Variants in PLPBP observed in about 807,000 individuals in gnomAD.
PLPBP encodes pyridoxal phosphate homeostasis protein.
In PLPBP, 21 loss-of-function variants were observed where a neutral mutation model predicts 31.2. The ratio of observed to expected loss-of-function variants is 0.67; its 90% CI spans 0.48 to 0.97. The LOEUF (loss-of-function observed/expected upper bound fraction) is 0.97. PLPBP is among the 50% of genes least tolerant of loss of function. The probability of loss-of-function intolerance (pLI) is 0.00; values close to 1 mark genes in which losing one functional copy is unlikely to be tolerated. For missense variants in PLPBP, 308 were observed against 354.4 expected (o/e 0.87, Z 1.05); for synonymous variants, 124 against 135.6 (o/e 0.91, Z 0.59).
chr8:37,765,623 G>A lies in PLPBP; in HGVS notation c.197G>A (p.Gly66Asp). The A allele has an allele frequency of 6.2e-7, 1 of 1,614,232 alleles. No homozygotes were observed. The highest frequency in any genetic ancestry group is 1.7e-5 in the Admixed American group (1 of 60,026). ...TATGGACATGGGCAGCGCACTTTTG[G>A]CGAGAACTACGTAAGAGCCCTTTCC... ...EAYGHGQRTF[G>D]ENYVQELLEK... Residue 66 changes from glycine to aspartate, a missense_variant, in exon 2 of 8, where the codon GGC becomes GAC. This residue lies in a region of PLPBP where 120 missense variants were observed against 95.1 expected (regional missense o/e 1.26). Transcript: ENST00000328195.
At chr8:37,763,079 C>A (rs2129762433) in intron 1 of PLPBP, among the ~76,000 whole-genome samples, 1 of 152,290 alleles carries the variant, frequency 6.6e-6, no homozygotes, top group South Asian at 2.1e-4. Context: ...GGGGCCAGGC[C>A]TGTGCCCACG....
intron 5 of PLPBP, 47 bp downstream of exon 5, chr8:37,772,936 T>C (rs1478387374): frequency 1.2e-6 from 2 of 1,607,940 alleles, no homozygotes; most frequent in African/African-American, 2.7e-5. Flanking sequence ...TTTAGGATGG[T>C]TGAAGCTTAG....
At chr8:37,775,568 A>T in intron 6 of PLPBP, 87 bp downstream of exon 6, 1 of 1,566,460 alleles carries the variant, frequency 6.4e-7, no homozygotes, top group Non-Finnish European at 8.7e-7. Flanking sequence ...TGGGGATTGC[A>T]GAGTCATCCC....
rs1016249070 is a variant in PLPBP, at chr8:37,779,436, T to G, written c.*1332T>G. 1.3e-5 allele frequency: 2 copies of G among 152,192 alleles called. No homozygotes were observed. Among genetic ancestry groups the G allele is most frequent in the African/African-American group, 4.8e-5 (2 of 41,438 alleles). The allele number at this position is 152,192 out of a possible 1,614,324, so 9.4% of individuals were successfully genotyped here. Reference sequence around the variant, plus strand: ...TTTACAAGCCAGAATTGTGCAACTCTTCTGGATCATTAATAAAGTAGCAAG... The same window carrying G: ...TTTACAAGCCAGAATTGTGCAACTCGTCTGGATCATTAATAAAGTAGCAAG... On this transcript the variant is annotated 3_prime_UTR_variant, in exon 8 of 8. Coordinates refer to ENST00000328195, the MANE Select transcript of PLPBP (RefSeq NM_007198.4).
chr8:37,767,799 C>CTTTTTTTTT (rs1175107737), intron 4 of PLPBP, among the ~76,000 whole-genome samples: 27 of 98,928 alleles, frequency 2.7e-4, no homozygotes, highest in South Asian at 3.3e-4. Flanking sequence ...CTTTTATTTA[C>CTTTTTTTTT]TTTTTTTTTT....
chr8:37,767,083 A>AAAAT (rs994935964), intron 4 of PLPBP, among the ~76,000 whole-genome samples: 1 of 151,350 alleles, frequency 6.6e-6, no homozygotes, highest in Non-Finnish European at 1.5e-5. Context: ...GAATCATAGT[A>AAAAT]AAATAAAATT....
intron 4 of PLPBP, 120 bp from the exon 5 acceptor site, chr8:37,772,635 T>A: frequency 8.2e-7 from 1 of 1,224,892 alleles, no homozygotes; most frequent in Non-Finnish European, 1.2e-6. Flanking sequence ...GGAACTGAGA[T>A]TTAACTGTGT....
At chr8:37,776,478 C>CAAAAAAA (rs915875297) in intron 7 of PLPBP, among the ~76,000 whole-genome samples, 14 of 10,622 alleles carry the variant, frequency 1.3e-3, no homozygotes, top group African/African-American at 1.9e-3. Flanking sequence ...GACTCCATCT[C>CAAAAAAA]AAAAAAAAAA....
At chr8:37,776,493 A>AAAAAAAAAAAC (rs1585941489) in intron 7 of PLPBP, among the ~76,000 whole-genome samples, 1 of 150,542 alleles carries the variant, frequency 6.6e-6, no homozygotes, top group Non-Finnish European at 1.5e-5. Context: ...AAAAAAAAAA[A>AAAAAAAAAAAC]AAAAAAAAAA....
intron 4 of PLPBP, among the ~76,000 whole-genome samples, chr8:37,770,163 A>T (rs1803732706): frequency 1.3e-5 from 2 of 152,224 alleles, no homozygotes; most frequent in Admixed American, 6.5e-5. Flanking sequence ...ATGGAACCAC[A>T]AAAGACCCAT....
At chr8:37,765,143 ACTCCAGC>A (rs1314125463) in intron 1 of PLPBP, among the ~76,000 whole-genome samples, 1 of 152,114 alleles carries the variant, frequency 6.6e-6, no homozygotes, top group African/African-American at 2.4e-5. Context: ...GCACCATTGC[ACTCCAGC>A]CTGGGCAACA....
At chr8:37,771,138 A>C (rs1292167828) in intron 4 of PLPBP, among the ~76,000 whole-genome samples, 1 of 151,702 alleles carries the variant, frequency 6.6e-6, no homozygotes, top group Non-Finnish European at 1.5e-5. Context: ...ATATATGTAT[A>C]TTTCTTTCTT....
upstream of PLPBP, chr8:37,762,582 C>T (rs1043045513): frequency 2.0e-6 from 3 of 1,515,116 alleles, no homozygotes; most frequent in South Asian, 2.5e-5. Flanking sequence ...GTTCACACGG[C>T]GCAAGCTGGG....
At position 37,773,423 on chromosome 8, in the gene PLPBP, G is replaced by A. The variant is rs141654252; in HGVS notation, c.454+534G>A. On this transcript the variant is annotated intron_variant, in intron 5 of 7. Coordinates refer to ENST00000328195, the MANE Select transcript of PLPBP (RefSeq NM_007198.4). ...CCTCTCAAGTGATCCACCCATCTCG[G>A]CCTCCCAAAGTGCTGGGATTACAGG... Among the ~76,000 whole-genome samples, 5 of 151,068 alleles carry A rather than the reference G, an allele frequency of 3.3e-5. No homozygotes were observed. The East Asian group carries it at 9.8e-4, about 30-fold the overall frequency.
At chr8:37,775,088 C>A in intron 5 of PLPBP, 1 of 325,850 alleles carries the variant, frequency 3.1e-6, no homozygotes. Context: ...TAGCTGTTTT[C>A]AGCTGAAATC....
In PLPBP at chr8:37,772,831, A is replaced by C; in HGVS notation, c.396A>C (p.Arg132Ser). ...ACAAAGTGAACAGTTCCTGGCAGAG[A>C]AAAGGTTCTCCTGAAAGGTTAAAGG... ...LADKVNSSWQ[R>S]KGSPERLKVM... Residue 132 changes from arginine to serine, a missense_variant, in exon 5 of 8, where the codon AGA becomes AGC. This residue lies in a region of PLPBP where 188 missense variants were observed against 259.3 expected (regional missense o/e 0.73). Coordinates refer to ENST00000328195, the MANE Select transcript of PLPBP (RefSeq NM_007198.4). 3 of 1,614,172 alleles carry C rather than the reference A, an allele frequency of 1.9e-6. No homozygotes were observed. The highest frequency in any genetic ancestry group is 1.3e-5 in the African/African-American group (1 of 75,060).
In PLPBP at chr8:37,762,745, C is replaced by T. The variant is rs1021675702; in HGVS notation, c.86C>T (p.Ala29Val). Reference sequence around the variant, plus strand: ...AACGAGCGCGTGCAGCAGGCTGTGGCGCGGCGGCCGCGGGTGAGGAAGGAG... The same window carrying T: ...AACGAGCGCGTGCAGCAGGCTGTGGTGCGGCGGCCGCGGGTGAGGAAGGAG... ...AVNERVQQAV[A>V]RRPRDLPAIQ... Residue 29 changes from alanine to valine, a missense_variant, in exon 1 of 8, where the codon GCG becomes GTG. Coordinates refer to ENST00000328195, the MANE Select transcript of PLPBP (RefSeq NM_007198.4). 3 of 1,567,538 alleles carry T rather than the reference C, an allele frequency of 1.9e-6. No individual in the cohort carries two copies. The highest frequency in any genetic ancestry group is 2.7e-5 in the African/African-American group (2 of 74,256).
intron 1 of PLPBP, among the ~76,000 whole-genome samples, chr8:37,763,502 G>A (rs1208182365): frequency 1.3e-5 from 2 of 152,142 alleles, no homozygotes; most frequent in Non-Finnish European, 2.9e-5. Flanking sequence ...GTCTTTCTTT[G>A]ACTATTCCTT....
chr8:37,765,796 A>G, intron 3 of PLPBP, 50 bp downstream of exon 3: 2 of 1,593,866 alleles, frequency 1.3e-6, no homozygotes, highest in Middle Eastern at 1.7e-4. Flanking sequence ...TTGGCTCTTT[A>G]GTTGAAAATT....
Sources: gnomAD v4.1 joint callset for allele counts (sites outside exome capture counted in the v4.1 genomes callset) on GRCh38, gnomAD v4.1.1 for gene constraint, gnomAD v4.1.1 regional missense constraint, MANE v1.5 for transcripts, NCBI Gene and HGNC (gene_info 2026-07-23, HGNC 2026-07-21) for gene names.